The following CLYBL variants were observed in gnomAD, a reference collection of about 807,000 sequenced individuals.
CLYBL encodes the protein citramalyl-CoA lyase, also known as citramalyl-CoA lyase, mitochondrial.
CLYBL carries 31 observed loss-of-function variants against 38.9 expected under a neutral mutation model. The observed-to-expected ratio is 0.80, with a 90% confidence interval of 0.60 to 1.08. CLYBL has a LOEUF of 1.08. Ranked by LOEUF, CLYBL falls within the 50% of genes least tolerant of loss-of-function variation. The probability of loss-of-function intolerance (pLI) is 0.00; values close to 1 mark genes in which losing one functional copy is unlikely to be tolerated. For synonymous variants in CLYBL, 171 were observed against 158.6 expected (o/e 1.08, Z -0.59); for missense variants, 434 against 411.6 (o/e 1.05, Z -0.47).
At chr13:99,735,518 G>T (rs2048653347) in intron 1 of CLYBL, among the ~76,000 whole-genome samples, 1 of 151,600 alleles carries the variant, frequency 6.6e-6, no homozygotes, top group Non-Finnish European at 1.5e-5. Context: ...TAAGAGTGAA[G>T]TTTCTCTGGT....
chr13:99,815,672 G>A (rs1309490573), intron 2 of CLYBL, among the ~76,000 whole-genome samples: 1 of 152,122 alleles, frequency 6.6e-6, no homozygotes, highest in East Asian at 1.9e-4. Flanking sequence ...GATCACTTGA[G>A]GCCAGGAGTT....
intron 1 of CLYBL, among the ~76,000 whole-genome samples, chr13:99,633,228 AAAAAAAAGAG>A (rs1199418947): frequency 1.3e-5 from 2 of 150,136 alleles, no homozygotes; most frequent in African/African-American, 4.9e-5. Context: ...AAAAAAAAAA[AAAAAAAAGAG>A]AAGAGAAGAA....
chr13:99,725,164 T>A (rs888880915), intron 1 of CLYBL, among the ~76,000 whole-genome samples: 1 of 152,242 alleles, frequency 6.6e-6, no homozygotes, highest in East Asian at 1.9e-4. Context: ...CCTCTACACA[T>A]GACCGTGATC....
At chr13:99,787,156 C>G (rs1287179330) in intron 2 of CLYBL, among the ~76,000 whole-genome samples, 2 of 152,044 alleles carry the variant, frequency 1.3e-5, no homozygotes, top group Non-Finnish European at 2.9e-5. Context: ...TGTAGGTTGC[C>G]TGTTCACTCT....
At chr13:99,644,452 A>T (rs1238746051) in intron 1 of CLYBL, among the ~76,000 whole-genome samples, 11 of 152,228 alleles carry the variant, frequency 7.2e-5, no homozygotes, top group Non-Finnish European at 1.5e-4. Flanking sequence ...TGTAATAATC[A>T]CATCAAGGTA....
chr13:99,868,094 A>T (rs1013791444), intron 6 of CLYBL, among the ~76,000 whole-genome samples: 2 of 152,302 alleles, frequency 1.3e-5, no homozygotes, highest in South Asian at 2.1e-4. Context: ...TCGCTAAAAA[A>T]AAAGGGGGGA....
At chr13:99,868,091 A>C (rs1310616975) in intron 6 of CLYBL, among the ~76,000 whole-genome samples, 2 of 152,102 alleles carry the variant, frequency 1.3e-5, no homozygotes, top group Non-Finnish European at 2.9e-5. Context: ...AAATCGCTAA[A>C]AAAAAAGGGG....
At chr13:99,758,915 C>T (rs1256043645) in intron 1 of CLYBL, among the ~76,000 whole-genome samples, 5 of 152,218 alleles carry the variant, frequency 3.3e-5, no homozygotes, top group African/African-American at 1.2e-4. Flanking sequence ...CACCTCCTGA[C>T]TGTGCTTAGC....
Position 99,678,840 on chromosome 13 carries a change from GA to G in CLYBL, c.62+72093del, listed in dbSNP as rs199517642. On this transcript the variant is annotated intron_variant, in intron 1 of 8. Coordinates refer to ENST00000339105, the MANE Select transcript of CLYBL (RefSeq NM_206808.5). The stretch of plus-strand genomic sequence containing the variant: ...TAACTCTTTAAAAATACAAAGTACA[GA>G]AAAAAAAAATTCCAGAAAGTACAGG... Among the ~76,000 whole-genome samples the G allele has an allele frequency of 7.5e-4, 112 of 148,878 alleles. 1 individual carries two copies. Among genetic ancestry groups the G allele is most frequent in the Middle Eastern group, 3.4e-3 (1 of 290 alleles).
intron 2 of CLYBL, among the ~76,000 whole-genome samples, chr13:99,851,982 C>T (rs2051343978): frequency 6.6e-6 from 1 of 152,136 alleles, no homozygotes; most frequent in African/African-American, 2.4e-5. Context: ...GTGACCTATC[C>T]ATACAATAGA....
At chr13:99,731,398 C>T (rs189278661) in intron 1 of CLYBL, among the ~76,000 whole-genome samples, 10 of 149,832 alleles carry the variant, frequency 6.7e-5, no homozygotes, top group African/African-American at 2.4e-4. Context: ...CTTTGGGAGG[C>T]CATGGTGGGA....
chr13:99,863,169 C>G, intron 4 of CLYBL, 77 bp downstream of exon 4: 2 of 700,266 alleles, frequency 2.9e-6, no homozygotes, highest in Non-Finnish European at 4.7e-6. Context: ...TCAATTTTAA[C>G]ATCTTCTTAA....
intron 2 of CLYBL, among the ~76,000 whole-genome samples, chr13:99,803,969 G>A (rs944263777): frequency 3.9e-5 from 6 of 152,116 alleles, no homozygotes; most frequent in African/African-American, 1.2e-4. Context: ...ATGAACTAGA[G>A]AACAAGAAAC....
chr13:99,619,007 C>T (rs2046755216), intron 1 of CLYBL, among the ~76,000 whole-genome samples: 1 of 152,124 alleles, frequency 6.6e-6, no homozygotes, highest in African/African-American at 2.4e-5. Flanking sequence ...AGTGCATGTT[C>T]TATGTGGAGC....
chr13:99,690,080 C>A (rs1342065390), intron 1 of CLYBL: 1 of 152,188 alleles, frequency 6.6e-6, no homozygotes, highest in Non-Finnish European at 1.5e-5. Context: ...TGTTAAGTAG[C>A]ATTTTATCTC....
At position 99,716,169 on chromosome 13, in the gene CLYBL, A is replaced by ATTTTTTTTTTTTTTTTTTTTTTTTTTT. The variant is rs4001024; in HGVS notation, c.63-56643_63-56617dup. On this transcript the variant is annotated intron_variant, in intron 1 of 8. Transcript: ENST00000339105. ...AAATTGTCCTTGCTTTATTGGTGTA[A>ATTTTTTTTTTTTTTTTTTTTTTTTTTT]TTTTTTTTTTTTTTTTTTTTTTTTT... 1.2e-4 allele frequency among the ~76,000 whole-genome samples: 4 copies of ATTTTTTTTTTTTTTTTTTTTTTTTTTT among 33,464 alleles called. 1 individual carries two copies. The highest frequency in any genetic ancestry group is 2.4e-4 in the Non-Finnish European group (4 of 16,382). 22.0% of individuals were successfully genotyped at this position (33,464 alleles called of 152,430 possible). A position where few individuals can be genotyped will look rare whatever the true frequency, so the allele number is the denominator to read the frequency against.
At chr13:99,678,869 A>G (rs2047691362) in intron 1 of CLYBL, among the ~76,000 whole-genome samples, 1 of 152,230 alleles carries the variant, frequency 6.6e-6, no homozygotes. Flanking sequence ...AGTACAGGAT[A>G]ATTCTATTAG....
At chr13:99,841,811 CCT>C (rs1491167309) in intron 2 of CLYBL, among the ~76,000 whole-genome samples, 2,429 of 124,644 alleles carry the variant, frequency 0.019, 35 homozygotes, top group African/African-American at 0.061. Context: ...CTTTTCTTTT[CCT>C]TTTTTTTTTT....
intron 2 of CLYBL, among the ~76,000 whole-genome samples, chr13:99,778,572 C>T (rs556048816): frequency 6.6e-6 from 1 of 152,124 alleles, no homozygotes; most frequent in Non-Finnish European, 1.5e-5. Flanking sequence ...GGCTCTAATC[C>T]TGTCCTGCTA....
Sources: allele counts gnomAD v4.1 joint callset (sites outside exome capture counted in the v4.1 genomes callset), GRCh38; gene constraint gnomAD v4.1.1; transcripts MANE v1.5; gene names NCBI Gene and HGNC (gene_info 2026-07-23, HGNC 2026-07-21).